The following ZNF532 variants were observed in gnomAD, a reference collection of about 807,000 sequenced individuals.
The protein encoded by ZNF532 is zinc finger protein 532.
In ZNF532, 22 loss-of-function variants were observed where a neutral mutation model predicts 89.3. The observed-to-expected ratio is 0.25, with a 90% confidence interval of 0.18 to 0.35. The LOEUF is 0.35. Ranked by LOEUF, ZNF532 falls within the 10% of genes least tolerant of loss-of-function variation. The pLI, the probability that ZNF532 is intolerant of heterozygous loss-of-function variation, is 1.00. For synonymous variants in ZNF532, 606 were observed against 649.6 expected (o/e 0.93, Z 1.02); for missense variants, 1,132 against 1,643.4 (o/e 0.69, Z 5.38).
intron 7 of ZNF532, among the ~76,000 whole-genome samples, chr18:58,956,372 G>A (rs759371631): frequency 1.3e-5 from 2 of 152,194 alleles, no homozygotes; most frequent in Non-Finnish European, 2.9e-5. Flanking sequence ...TGTTCCCTCA[G>A]CCTCCTGAGA....
chr18:58,903,822 G>T (rs1568281341), intron 2 of ZNF532, among the ~76,000 whole-genome samples: 1 of 152,144 alleles, frequency 6.6e-6, no homozygotes, highest in Admixed American at 6.5e-5. Context: ...AAGTGACTGT[G>T]GTTTGATGTG....
chr18:58,880,871 A>T (rs1365662290), intron 2 of ZNF532, among the ~76,000 whole-genome samples: 1 of 150,920 alleles, frequency 6.6e-6, no homozygotes, highest in Non-Finnish European at 1.5e-5. Flanking sequence ...GGAAAAGATT[A>T]AGCACATAGT....
At chr18:58,897,706 A>G (rs947056436) in intron 2 of ZNF532, among the ~76,000 whole-genome samples, 7 of 152,230 alleles carry the variant, frequency 4.6e-5, no homozygotes, top group Non-Finnish European at 8.8e-5. Flanking sequence ...TAATCCCAGC[A>G]CTTAGGGAGC....
intron 6 of ZNF532, among the ~76,000 whole-genome samples, chr18:58,950,359 G>A (rs1000448427): frequency 1.3e-5 from 2 of 152,288 alleles, no homozygotes; most frequent in Middle Eastern, 3.4e-3. Flanking sequence ...TACATGATAC[G>A]AAAACAGTGG....
rs531127130 is a variant in ZNF532 at position 58,976,442 on chromosome 18, G to GTGGGGTCTC, written c.3151-2611_3151-2603dup. Among the ~76,000 whole-genome samples, 124 of 152,284 alleles carry GTGGGGTCTC rather than the reference G, an allele frequency of 8.1e-4. 3 individuals carry two copies. Among genetic ancestry groups the GTGGGGTCTC allele is most frequent in the Admixed American group, 6.7e-3 (103 of 15,294 alleles). On this transcript the variant is annotated intron_variant, in intron 7 of 9. Coordinates refer to ENST00000591808, the MANE Select transcript of ZNF532 (RefSeq NM_001375912.1). Reference sequence around the variant, plus strand: ...AATAGGAAATCGAATTTTCCTTTCTGTGGGGTCTCTTGTCCTATTGTATTG... The same window carrying GTGGGGTCTC: ...AATAGGAAATCGAATTTTCCTTTCTGTGGGGTCTCTGGGGTCTCTTGTCCTATTGTATTG...
At chr18:58,913,502 G>C (rs1488026547) in intron 2 of ZNF532, among the ~76,000 whole-genome samples, 1 of 152,060 alleles carries the variant, frequency 6.6e-6, no homozygotes, top group Non-Finnish European at 1.5e-5. Flanking sequence ...TGTAATCCTG[G>C]CACTTTGGGA....
intron 7 of ZNF532, among the ~76,000 whole-genome samples, chr18:58,965,028 TTTA>T (rs2065783999): frequency 6.7e-6 from 1 of 149,206 alleles, no homozygotes; most frequent in Non-Finnish European, 1.5e-5. Context: ...AATACTAACT[TTTA>T]TTATAATTTA....
intron 2 of ZNF532, among the ~76,000 whole-genome samples, chr18:58,903,144 C>T (rs2059708105): frequency 6.6e-6 from 1 of 151,980 alleles, no homozygotes; most frequent in South Asian, 2.1e-4. Flanking sequence ...TATTAGTTCC[C>T]CTTTTGGAAG....
At chr18:58,954,235 G>A in intron 7 of ZNF532, 1 of 988,532 alleles carries the variant, frequency 1.0e-6, no homozygotes, top group Non-Finnish European at 1.2e-6. Flanking sequence ...GTTTGGTAGT[G>A]GGAAGAGGAA....
chr18:58,881,135 T>C (rs1287125961), intron 2 of ZNF532, among the ~76,000 whole-genome samples: 1 of 151,458 alleles, frequency 6.6e-6, no homozygotes, highest in Non-Finnish European at 1.5e-5. Context: ...AGAGTCTCGC[T>C]CTGTCGCCCG....
chr18:58,969,562 G>A (rs994322363), intron 7 of ZNF532, among the ~76,000 whole-genome samples: 2 of 152,162 alleles, frequency 1.3e-5, no homozygotes, highest in Non-Finnish European at 2.9e-5. Context: ...AGATATGATG[G>A]TTGATTATAC....
chr18:58,888,827 A>ATTATATATATAATTTATATATATATAAT (rs1262164711), intron 2 of ZNF532, among the ~76,000 whole-genome samples: 1 of 17,170 alleles, frequency 5.8e-5, no homozygotes, highest in Admixed American at 1.1e-3. Flanking sequence ...ATATATATAA[A>ATTATATATATAATTTATATATATATAAT]TTATATATAT....
At chr18:58,973,291 C>T (rs753376960) in intron 7 of ZNF532, among the ~76,000 whole-genome samples, 1 of 152,180 alleles carries the variant, frequency 6.6e-6, no homozygotes, top group Non-Finnish European at 1.5e-5. Flanking sequence ...TTAGTAGAGA[C>T]AGGATTTTGC....
In ZNF532 at chr18:58,946,291, GTT is replaced by G. The variant is rs58395180; in HGVS notation, c.2706-1758_2706-1757del. ...CATCATTTTAAAAAATCTTCATATA[GTT>G]TTTTTTTTTTTTTTTTTGAGACACA... On this transcript the variant is annotated intron_variant, in intron 5 of 9. Transcript: ENST00000591808. Among the ~76,000 whole-genome samples the G allele has an allele frequency of 9.6e-3, 1,114 of 116,510 alleles. 8 individuals are homozygous for G. Among genetic ancestry groups the G allele is most frequent in the African/African-American group, 0.033 (981 of 29,832 alleles). The allele number at this position is 116,510 out of a possible 152,430, so 76.4% of individuals were successfully genotyped here. A position where few individuals can be genotyped will look rare whatever the true frequency, so the allele number is the denominator to read the frequency against.
intron 7 of ZNF532, among the ~76,000 whole-genome samples, chr18:58,962,086 C>A (rs1468917006): frequency 6.6e-6 from 1 of 152,064 alleles, no homozygotes; most frequent in Non-Finnish European, 1.5e-5. Context: ...ATTAGCTGGG[C>A]ATGGTGGCGG....
chr18:58,960,059 C>T (rs1339552264), intron 7 of ZNF532, among the ~76,000 whole-genome samples: 2 of 152,188 alleles, frequency 1.3e-5, no homozygotes, highest in Admixed American at 1.3e-4. Context: ...CTGCCTCAGC[C>T]TCCTAAGTAG....
At chr18:58,959,808 T>C (rs955169826) in intron 7 of ZNF532, among the ~76,000 whole-genome samples, 2 of 152,264 alleles carry the variant, frequency 1.3e-5, no homozygotes, top group Admixed American at 6.5e-5. Flanking sequence ...TGTTTTTCTC[T>C]CTATACTGTA....
chr18:58,943,158 CTTTT>C (rs11289347), intron 5 of ZNF532, among the ~76,000 whole-genome samples: 2 of 123,118 alleles, frequency 1.6e-5, no homozygotes, highest in Non-Finnish European at 1.7e-5. Flanking sequence ...ATTACTATAT[CTTTT>C]TTTTTTTTTT....
intron 5 of ZNF532, among the ~76,000 whole-genome samples, chr18:58,944,939 C>G (rs1451645623): frequency 6.6e-6 from 1 of 152,164 alleles, no homozygotes; most frequent in Non-Finnish European, 1.5e-5. Flanking sequence ...TTGGTGTGTT[C>G]TGCTCTCTTC....
Sources: allele counts gnomAD v4.1 joint callset (sites outside exome capture counted in the v4.1 genomes callset), GRCh38; gene constraint gnomAD v4.1.1; transcripts MANE v1.5; gene names NCBI Gene and HGNC (gene_info 2026-07-23, HGNC 2026-07-21).